The following SETBP1 variants were observed in gnomAD, a reference collection of about 807,000 sequenced individuals.
SETBP1 encodes the protein SET binding protein 1.
In SETBP1, 9 loss-of-function variants were observed where a neutral mutation model predicts 101.0. The ratio of observed to expected loss-of-function variants is 0.09; its 90% CI spans 0.05 to 0.16. The LOEUF (loss-of-function observed/expected upper bound fraction) is 0.16, where lower values mean the gene tolerates loss of function less well. SETBP1 is among the 10% of genes least tolerant of loss of function. The pLI is 1.00. For synonymous variants in SETBP1, 818 were observed against 788.5 expected (o/e 1.04, Z -0.63); for missense variants, 1,858 against 2,033.8 (o/e 0.91, Z 1.66).
At chr18:44,905,782 C>T (rs1015011222) in intron 3 of SETBP1, among the ~76,000 whole-genome samples, 3 of 152,214 alleles carry the variant, frequency 2.0e-5, no homozygotes, top group Admixed American at 2.0e-4. Flanking sequence ...TCGAAGCTAA[C>T]ATCAACAGGT....
At chr18:44,870,507 G>C (rs1053173022) in intron 3 of SETBP1, 1 of 152,234 alleles carries the variant, frequency 6.6e-6, no homozygotes, top group African/African-American at 2.4e-5. Flanking sequence ...GGAAAGTAGT[G>C]AGTTTTTAGA....
intron 4 of SETBP1, among the ~76,000 whole-genome samples, chr18:44,955,451 T>C (rs1161952616): frequency 6.6e-6 from 1 of 152,232 alleles, no homozygotes; most frequent in Admixed American, 6.5e-5. Context: ...TTCTTTGGGG[T>C]ACTGTCTGCC....
Position 44,951,446 on chromosome 18 carries a change from A to G in SETBP1, c.2106A>G (p.Ala702=). The G allele has an allele frequency of 6.2e-7, 1 of 1,614,154 alleles. No homozygotes were observed. The highest frequency in any genetic ancestry group is 8.5e-7 in the Non-Finnish European group (1 of 1,180,036). ...AKAPPETSPG[A]AAIESKLGKQ... is the part of the protein sequence containing the mutation. The stretch of plus-strand genomic sequence containing the variant: ...CTCCCCCAGAGACCAGCCCTGGGGC[A>G]GCAGCCATTGAAAGCAAACTGGGCA... Residue 702 remains alanine (A), a synonymous_variant, in exon 4 of 6, where the codon GCA becomes GCG. Transcript: ENST00000649279. The surrounding 1 kb of genome is among the most constrained non-coding windows in gnomAD (Gnocchi z 7.8).
chr18:44,942,893 A>G (rs907978360), intron 3 of SETBP1, among the ~76,000 whole-genome samples: 16 of 152,198 alleles, frequency 1.1e-4, no homozygotes, highest in Non-Finnish European at 2.4e-4. Context: ...TAAATAGCAA[A>G]TAAGAATGAA....
At chr18:44,838,042 G>T (rs771417282) in intron 2 of SETBP1, among the ~76,000 whole-genome samples, 49 of 152,082 alleles carry the variant, frequency 3.2e-4, no homozygotes, top group Non-Finnish European at 5.7e-4. Flanking sequence ...ATGCTTGGTG[G>T]AGTCTCCCTC....
At chr18:44,935,051 T>C (rs1369282752) in intron 3 of SETBP1, among the ~76,000 whole-genome samples, 1 of 152,056 alleles carries the variant, frequency 6.6e-6, no homozygotes, top group Non-Finnish European at 1.5e-5. Context: ...CTTGCAGCAC[T>C]ACAGGGAGGA....
At chr18:44,922,791 T>A (rs2070611787) in intron 3 of SETBP1, among the ~76,000 whole-genome samples, 1 of 152,212 alleles carries the variant, frequency 6.6e-6, no homozygotes, top group Non-Finnish European at 1.5e-5. Flanking sequence ...GGGCACAGCA[T>A]CTGTAGCAAG....
intron 5 of SETBP1, among the ~76,000 whole-genome samples, chr18:45,042,564 A>G: frequency 6.6e-6 from 1 of 152,266 alleles, no homozygotes; most frequent in East Asian, 1.9e-4. Flanking sequence ...AGTACAACAA[A>G]GGAACATTCC....
chr18:44,721,337 T>C (rs1204670151), intron 2 of SETBP1, among the ~76,000 whole-genome samples: 1 of 152,136 alleles, frequency 6.6e-6, no homozygotes, highest in Non-Finnish European at 1.5e-5. Flanking sequence ...ATGCCTCATA[T>C]AGGAATGCAC....
At chr18:45,039,184 G>A (rs16978256) in intron 5 of SETBP1, among the ~76,000 whole-genome samples, 19,202 of 152,070 alleles carry the variant, frequency 0.13, 1,835 homozygotes, top group African/African-American at 0.26. Context: ...TGATGCATCG[G>A]TACCTTCTAC....
intron 1 of SETBP1, among the ~76,000 whole-genome samples, chr18:44,689,234 A>G (rs1419648013): frequency 6.6e-6 from 1 of 152,172 alleles, no homozygotes; most frequent in Non-Finnish European, 1.5e-5. Context: ...GCGAATTGAG[A>G]ATTGCCTCAA....
At chr18:44,798,172 G>A (rs2071523057) in intron 2 of SETBP1, among the ~76,000 whole-genome samples, 1 of 152,164 alleles carries the variant, frequency 6.6e-6, no homozygotes, top group South Asian at 2.1e-4. Flanking sequence ...GAATCCTTGG[G>A]TGCAGGGATG....
Position 44,848,774 on chromosome 18 carries a change from T to C in SETBP1, c.487-20456T>C, listed in dbSNP as rs950926868. 4.6e-5 allele frequency among the ~76,000 whole-genome samples: 7 copies of C among 152,316 alleles called. No homozygotes were observed. In the South Asian group the frequency reaches 1.2e-3, roughly 27 times the overall value. ...GAAGCCTCCCGATGATTCCGGCAGG[T>C]CTGGCTTCTAACTCCCCATGGACGG... On this transcript the variant is annotated intron_variant, in intron 2 of 5. Transcript: ENST00000649279.
At chr18:44,886,756 T>A (rs1231725558) in intron 3 of SETBP1, among the ~76,000 whole-genome samples, 1 of 68,250 alleles carries the variant, frequency 1.5e-5, no homozygotes, top group Non-Finnish European at 2.9e-5. Flanking sequence ...CTGTACATTT[T>A]ATTATTATTA....
intron 2 of SETBP1, among the ~76,000 whole-genome samples, chr18:44,791,757 G>A (rs1437685614): frequency 6.6e-6 from 1 of 152,244 alleles, no homozygotes; most frequent in Non-Finnish European, 1.5e-5. Context: ...GAGAGCAAGA[G>A]TGAGAGAGCG....
At chr18:44,921,296 A>T (rs1316867462) in intron 3 of SETBP1, among the ~76,000 whole-genome samples, 3 of 152,190 alleles carry the variant, frequency 2.0e-5, no homozygotes, top group African/African-American at 7.2e-5. Flanking sequence ...AGGTAGTTGA[A>T]CTCTCATTCT....
chr18:44,899,166 G>T (rs767112183), intron 3 of SETBP1, among the ~76,000 whole-genome samples: 1 of 152,042 alleles, frequency 6.6e-6, no homozygotes, highest in Non-Finnish European at 1.5e-5. Flanking sequence ...CTATGCTTTT[G>T]CCTTTATTAA....
At chr18:44,793,157 C>T (rs767848076) in intron 2 of SETBP1, among the ~76,000 whole-genome samples, 3 of 152,164 alleles carry the variant, frequency 2.0e-5, no homozygotes, top group Non-Finnish European at 4.4e-5. Flanking sequence ...TGTGTCCAAA[C>T]CTCCCCTTTT....
At chr18:44,943,603 T>A (rs1384735559) in intron 3 of SETBP1, among the ~76,000 whole-genome samples, 1 of 152,230 alleles carries the variant, frequency 6.6e-6, no homozygotes, top group African/African-American at 2.4e-5. Context: ...CTCAGGTATG[T>A]TGATCTTTAC....
Sources: gnomAD v4.1 joint callset for allele counts (sites outside exome capture counted in the v4.1 genomes callset) on GRCh38, gnomAD v4.1.1 for gene constraint, Gnocchi (gnomAD v3.1) non-coding constraint, MANE v1.5 for transcripts, NCBI Gene and HGNC (gene_info 2026-07-23, HGNC 2026-07-21) for gene names.